ABCA13: variants seen among roughly 807,000 people sequenced by gnomAD.
The protein encoded by ABCA13 is ATP binding cassette subfamily A member 13.
Under a neutral mutation model 478.7 loss-of-function variants are expected in ABCA13, and 476 were observed. That is an observed-to-expected ratio of 0.99 (90% CI 0.92 to 1.07). The LOEUF is 1.07. Among genes scored for constraint, ABCA13 ranks in the 50% least tolerant of loss-of-function variants. ABCA13 has a pLI of 0.00. For synonymous variants in ABCA13, 2,252 were observed against 2,158.9 expected (o/e 1.04, Z -1.20); for missense variants, 6,060 against 5,910.6 (o/e 1.03, Z -0.83).
intron 3 of ABCA13, among the ~76,000 whole-genome samples, chr7:48,204,209 C>G (rs1419195184): frequency 6.7e-6 from 1 of 149,644 alleles, no homozygotes; most frequent in East Asian, 2.0e-4. Context: ...GCCTCCTAGA[C>G]TTATAATTTT....
chr7:48,265,342 C>T (rs1202208338), intron 15 of ABCA13, among the ~76,000 whole-genome samples: 2 of 151,262 alleles, frequency 1.3e-5, no homozygotes, highest in African/African-American at 4.8e-5. Context: ...GAATTTTAAC[C>T]AGGATTGAAT....
chr7:48,315,329 A>G (rs796449365), intron 26 of ABCA13, among the ~76,000 whole-genome samples: 9 of 152,272 alleles, frequency 5.9e-5, no homozygotes, highest in African/African-American at 2.2e-4. Context: ...CTGAGTTAAC[A>G]TTTTTAGTTT....
rs1161581195 is a variant in ABCA13, at chr7:48,295,755, A to G, written c.9011A>G (p.Lys3004Arg). The G allele has an allele frequency of 6.2e-7, 1 of 1,614,076 alleles. No individual in the cohort carries two copies. Among genetic ancestry groups the G allele is most frequent in the South Asian group, 1.1e-5 (1 of 91,086 alleles). ...PNQLNCESLS[K>R]NLSSTLESFK... ...CAGCTAAATTGTGAAAGTCTTAGCA[A>G]GAATCTTTCTAGCACCTTGGAGAGC... The change falls in exon 21 of 62, where the codon AAG (lysine) becomes AGG (arginine). Residue 3004 changes from lysine to arginine, a missense_variant. By Grantham distance (26) the Lys-to-Arg change is conservative. This residue lies in a region of ABCA13 where 4,423 missense variants were observed against 4,309.1 expected (regional missense o/e 1.03). Transcript: ENST00000435803.
intron 38 of ABCA13, 52 bp from the exon 39 acceptor site, chr7:48,403,631 G>T: frequency 6.4e-7 from 1 of 1,556,434 alleles, no homozygotes; most frequent in Non-Finnish European, 8.8e-7. Context: ...GAAATTAGAA[G>T]CAAAGTTTTA....
At position 48,486,125 on chromosome 7, in the gene ABCA13, T is replaced by C. The variant is rs867120646; in HGVS notation, c.13182+2962T>C. 1.6e-4 allele frequency among the ~76,000 whole-genome samples: 25 copies of C among 152,314 alleles called. No individual in the cohort carries two copies. In the Middle Eastern group the frequency reaches 0.01, roughly 62 times the overall value. ...TCCACAAGCTACTCTCACGATCTTGTTGAGATATGCTGCTCTCTCTAAAAT... is the reference window on the plus strand; with the variant it reads ...TCCACAAGCTACTCTCACGATCTTGCTGAGATATGCTGCTCTCTCTAAAAT... On this transcript the variant is annotated intron_variant, in intron 47 of 61. Transcript: ENST00000435803.
At chr7:48,381,873 T>G (rs1200491138) in intron 35 of ABCA13, among the ~76,000 whole-genome samples, 1 of 152,200 alleles carries the variant, frequency 6.6e-6, no homozygotes, top group Non-Finnish European at 1.5e-5. Flanking sequence ...TTCTAGAGTG[T>G]GCACGTAAAA....
At chr7:48,520,373 T>A (rs1020731978) in intron 53 of ABCA13, 79 bp downstream of exon 53, 2 of 1,450,344 alleles carry the variant, frequency 1.4e-6, no homozygotes, top group African/African-American at 1.4e-5. Flanking sequence ...TCCTGGAGGT[T>A]GTAAAATAAA....
At chr7:48,236,202 T>G (rs1396399347) in intron 8 of ABCA13, among the ~76,000 whole-genome samples, 1 of 151,970 alleles carries the variant, frequency 6.6e-6, no homozygotes, top group Non-Finnish European at 1.5e-5. Context: ...TATGGGAAGG[T>G]GAGGGGAGGA....
At chr7:48,348,111 A>G (rs1158642104) in intron 29 of ABCA13, among the ~76,000 whole-genome samples, 1 of 152,144 alleles carries the variant, frequency 6.6e-6, no homozygotes, top group Non-Finnish European at 1.5e-5. Flanking sequence ...AATTCTTTAA[A>G]CCAAGCCACA....
chr7:48,270,118 A>T (rs1270282607), intron 16 of ABCA13, among the ~76,000 whole-genome samples: 2 of 152,188 alleles, frequency 1.3e-5, no homozygotes, highest in Admixed American at 1.3e-4. Flanking sequence ...AGATAATTAG[A>T]TGTTGATTTA....
At chr7:48,190,134 A>C (rs901223658) in intron 1 of ABCA13, among the ~76,000 whole-genome samples, 1 of 152,216 alleles carries the variant, frequency 6.6e-6, no homozygotes, top group South Asian at 2.1e-4. Context: ...TAATTGGTTT[A>C]GTTTTTAATG....
chr7:48,644,021 A>G (rs974446881), intron 60 of ABCA13, among the ~76,000 whole-genome samples: 2 of 152,182 alleles, frequency 1.3e-5, no homozygotes, highest in African/African-American at 4.8e-5. Flanking sequence ...TATAACTTCT[A>G]GGAGGCTGTA....
chr7:48,332,341 G>T (rs1025909644), intron 27 of ABCA13, among the ~76,000 whole-genome samples: 5 of 152,180 alleles, frequency 3.3e-5, no homozygotes, highest in African/African-American at 4.8e-5. Flanking sequence ...TACAAAGAAC[G>T]TCTGGCTCTA....
intron 41 of ABCA13, among the ~76,000 whole-genome samples, chr7:48,421,376 A>G (rs1820716004): frequency 6.6e-6 from 1 of 152,234 alleles, no homozygotes; most frequent in Non-Finnish European, 1.5e-5. Flanking sequence ...GGCATTGTCC[A>G]GTAAGAAAGA....
At chr7:48,449,214 A>C (rs1824686695) in intron 42 of ABCA13, among the ~76,000 whole-genome samples, 1 of 152,152 alleles carries the variant, frequency 6.6e-6, no homozygotes, top group Non-Finnish European at 1.5e-5. Context: ...GTAAGCACCC[A>C]CATGCCACAA....
chr7:48,220,086 T>C (rs958907085), intron 4 of ABCA13, among the ~76,000 whole-genome samples: 3 of 152,188 alleles, frequency 2.0e-5, no homozygotes, highest in East Asian at 1.9e-4. Flanking sequence ...GCAATTTCTG[T>C]TTATTATAAA....
chr7:48,322,186 C>T (rs1472881385), intron 27 of ABCA13, among the ~76,000 whole-genome samples: 2 of 152,194 alleles, frequency 1.3e-5, no homozygotes, highest in African/African-American at 2.4e-5. Flanking sequence ...AATCAGGAAA[C>T]AGAGCAGGTC....
At chr7:48,303,087 A>G (rs1390615618) in intron 23 of ABCA13, among the ~76,000 whole-genome samples, 5 of 152,134 alleles carry the variant, frequency 3.3e-5, no homozygotes, top group Admixed American at 6.5e-5. Flanking sequence ...TCTAATGATC[A>G]GTAATATTGA....
chr7:48,227,685 G>A (rs1788435687), intron 6 of ABCA13, among the ~76,000 whole-genome samples: 2 of 152,138 alleles, frequency 1.3e-5, no homozygotes, highest in Admixed American at 1.3e-4. Flanking sequence ...TATTTTGTAT[G>A]TTGTTATAGT....
Sources: allele counts gnomAD v4.1 joint callset (sites outside exome capture counted in the v4.1 genomes callset), GRCh38; gene constraint gnomAD v4.1.1; regional missense constraint gnomAD v4.1.1; transcripts MANE v1.5; gene names NCBI Gene and HGNC (gene_info 2026-07-23, HGNC 2026-07-21).